The following KLC3 variants were observed in gnomAD, a reference collection of about 807,000 sequenced individuals.
The protein encoded by KLC3 is kinesin light chain 3.
A neutral mutation model predicts 62.9 loss-of-function variants in KLC3; 72 were observed. That is an observed-to-expected ratio of 1.15 (90% confidence interval 0.95 to 1.39). The LOEUF (loss-of-function observed/expected upper bound fraction) is 1.39, where lower values mean the gene tolerates loss of function less well. Ranked by LOEUF, KLC3 falls within the 40% of genes most tolerant of loss-of-function variation. The pLI, the probability that KLC3 is intolerant of heterozygous loss-of-function variation, is 0.00. For missense variants in KLC3, 848 were observed against 691.6 expected (o/e 1.23, Z -2.54); for synonymous variants, 377 against 300.5 (o/e 1.25, Z -2.63).
chr19:45,346,714 G>T lies in KLC3; in HGVS notation c.429G>T (p.Glu143Asp), dbSNP rs766315749. 1 of 1,582,528 alleles carries T rather than the reference G, an allele frequency of 6.3e-7. No homozygotes were observed. Among genetic ancestry groups the T allele is most frequent in the South Asian group, 1.2e-5 (1 of 86,534 alleles). ...AGTCCGTGGCCCAGCTGGAGGAGGA[G>T]AAGCGCCACCTGGAGTTCCTGGGGC... ...SEESVAQLEE[E>D]KRHLEFLGQL... Residue 143 changes from glutamate (E) to aspartate (D), a missense_variant, in exon 3 of 13, where the codon GAG becomes GAT. Transcript: ENST00000391946.
Position 45,351,127 on chromosome 19 carries a change from G to T in KLC3, c.1443+110G>T. ...GGTGGAGTCAGCAGGTGGTGGGTTG[G>T]TGTCAGAAGAGACCCAGGACAGGAG... On this transcript the variant is annotated intron_variant, in intron 12 of 12. Coordinates refer to ENST00000391946, the MANE Select transcript of KLC3 (RefSeq NM_177417.3). The T allele has an allele frequency of 2.5e-6, 4 of 1,604,134 alleles. No homozygotes were observed. The Admixed American group carries it at 6.8e-5, about 27-fold the overall frequency.
chr19:45,341,180 CTGTGTTTGTGTG>C (rs1466795467), intron 1 of KLC3, among the ~76,000 whole-genome samples: 67 of 87,876 alleles, frequency 7.6e-4, no homozygotes, highest in African/African-American at 4.5e-3. Flanking sequence ...TCCTGCCTGC[CTGTGTTTGTGTG>C]TGTGTGTGTG....
chr19:45,342,761 A>G lies in KLC3; in HGVS notation c.-9+1915A>G, dbSNP rs142292091. Among the ~76,000 whole-genome samples the G allele has an allele frequency of 1.6e-4, 24 of 152,268 alleles. No homozygotes were observed. The East Asian group carries it at 4.2e-3, about 27-fold the overall frequency. On this transcript the variant is annotated intron_variant, in intron 1 of 12. Coordinates refer to ENST00000391946, the MANE Select transcript of KLC3 (RefSeq NM_177417.3). ...CAGTCTGGGCAACAGAGCGAGACTC[A>G]GTCTCAAAAAAATAAAATTAAATTT...
rs765389608 is a variant in KLC3 at position 45,345,699 on chromosome 19, C to T, written c.158C>T (p.Ala53Val). The change falls in exon 2 of 13, where the codon GCG becomes GTG. Residue 53 changes from alanine (A) to valine (V), a missense_variant. Ala to Val is a moderately conservative substitution (Grantham distance 64). Coordinates refer to ENST00000391946, the MANE Select transcript of KLC3 (RefSeq NM_177417.3). The part of the protein sequence containing the change: ...GLAGHLAEAL[A>V]GQGPAAGLEM... ...GCTGGGCACCTGGCGGAGGCCCTGG[C>T]GGGACAGGGCCCGGCAGCCGGCTTG... 3.2e-5 allele frequency: 50 copies of T among 1,569,340 alleles called. No individual in the cohort carries two copies. Among genetic ancestry groups the T allele is most frequent in the Admixed American group, 1.7e-4 (9 of 52,466 alleles).
Position 45,346,744 on chromosome 19 carries a change from G to A in KLC3, c.459G>A (p.Leu153=), listed in dbSNP as rs1971503419. The change falls in exon 3 of 13, where the codon CTG becomes CTA. Residue 153 remains leucine (L), a synonymous_variant. Transcript: ENST00000391946. Reference sequence around the variant, plus strand: ...GCCACCTGGAGTTCCTGGGGCAGCTGCGACAGTACGACCCACCGGCGGAGA... The same window carrying A: ...GCCACCTGGAGTTCCTGGGGCAGCTACGACAGTACGACCCACCGGCGGAGA... The part of the protein sequence containing the change: ...EKRHLEFLGQ[L]RQYDPPAESQ... The A allele has an allele frequency of 1.3e-6, 2 of 1,587,718 alleles. No individual in the cohort carries two copies. The highest frequency in any genetic ancestry group is 1.3e-5 in the African/African-American group (1 of 74,182).
intron 1 of KLC3, among the ~76,000 whole-genome samples, chr19:45,344,013 G>A (rs1465382304): frequency 6.6e-6 from 1 of 151,616 alleles, no homozygotes; most frequent in East Asian, 1.9e-4. Flanking sequence ...ATTTTTGTAG[G>A]GATGGGGTCT....
Position 45,351,327 on chromosome 19 carries a change from C to A in KLC3, c.1485C>A (p.Ser495Arg), listed in dbSNP as rs373906614. The stretch of plus-strand genomic sequence containing the variant: ...TGGACAAGGCCCCTCGGACCCTCAG[C>A]GCCAGCACCCAGGACCTGAGCCCCC... ...WHLDKAPRTLSASTQDLSPH is the reference protein window; with the variant it reads ...WHLDKAPRTLRASTQDLSPH Residue 495 changes from serine (S) to arginine (R), a missense_variant, in exon 13 of 13, where the codon AGC becomes AGA. Coordinates refer to ENST00000391946, the MANE Select transcript of KLC3 (RefSeq NM_177417.3). 6.2e-7 allele frequency: 1 copy of A among 1,611,998 alleles called. No homozygotes were observed. Among genetic ancestry groups the A allele is most frequent in the Non-Finnish European group, 8.5e-7 (1 of 1,179,994 alleles).
At position 45,349,484 on chromosome 19, in the gene KLC3, T is replaced by C. The variant is rs1462911668; in HGVS notation, c.1025T>C (p.Leu342Pro). 1 of 1,613,572 alleles carries C rather than the reference T, an allele frequency of 6.2e-7. No individual in the cohort carries two copies. The highest frequency in any genetic ancestry group is 2.2e-5 in the East Asian group (1 of 44,852). The change falls in exon 8 of 13, where the codon CTG (leucine) becomes CCG (proline). Residue 342 changes from leucine (L) to proline (P), a missense_variant. Transcript: ENST00000391946. ...AAGCAGCTCAACAACCTGGCCCTGCTGTGCCAGAACCAGGGCAAGTTTGAG... is the reference window on the plus strand; with the variant it reads ...AAGCAGCTCAACAACCTGGCCCTGCCGTGCCAGAACCAGGGCAAGTTTGAG... Reference protein sequence around the residue: ...VAKQLNNLALLCQNQGKFEDV... With the variant: ...VAKQLNNLALPCQNQGKFEDV...
intron 1 of KLC3, among the ~76,000 whole-genome samples, chr19:45,343,305 G>A (rs182057513): frequency 9.9e-5 from 15 of 152,162 alleles, no homozygotes; most frequent in East Asian, 9.7e-4. Context: ...TAGTTTCTGC[G>A]TGGGTTGGCT....
At chr19:45,350,768 C>G (rs755845095) in intron 11 of KLC3, 21 bp downstream of exon 11, 3 of 1,594,288 alleles carry the variant, frequency 1.9e-6, no homozygotes, top group Non-Finnish European at 1.7e-6. Context: ...ATCAGGTCGG[C>G]AAAGAGCCCT....
In KLC3 at chr19:45,341,580, C is replaced by T. The variant is rs867646341; in HGVS notation, c.-9+734C>T. Among the ~76,000 whole-genome samples, 176 of 77,902 alleles carry T rather than the reference C, an allele frequency of 2.3e-3. 1 individual carries two copies. In the South Asian group the frequency reaches 0.029, roughly 13 times the overall value. 51.1% of individuals were successfully genotyped at this position (77,902 alleles called of 152,430 possible). ...GTGTGTGTGTGTGTGTGTGTGTGTG[C>T]GCGCGCGCGTGTGGTGGACAGTGTG... On this transcript the variant is annotated intron_variant, in intron 1 of 12. Transcript: ENST00000391946.
Position 45,345,754 on chromosome 19 carries a change from G to T in KLC3, c.213G>T (p.Val71=). The change falls in exon 2 of 13, where the codon GTG becomes GTT. Residue 71 remains valine (V), a synonymous_variant. Coordinates refer to ENST00000391946, the MANE Select transcript of KLC3 (RefSeq NM_177417.3). The part of the protein sequence containing the change: ...LEMLEEKQQV[V]SHSLEAIELG... ...TGCTGGAGGAAAAGCAGCAGGTGGT[G>T]AGCCACTCGCTGGAGGCCATCGAGC... is the stretch of plus-strand genomic sequence containing the variant. 1 of 1,554,890 alleles carries T rather than the reference G, an allele frequency of 6.4e-7. No individual in the cohort carries two copies. Among genetic ancestry groups the T allele is most frequent in the South Asian group, 1.2e-5 (1 of 84,196 alleles).
rs151124589 is a variant in KLC3 at position 45,348,875 on chromosome 19, G to A, written c.923G>A (p.Arg308Gln). 726 of 1,588,074 alleles carry A rather than the reference G, an allele frequency of 4.6e-4. 2 individuals are homozygous for A. The African/African-American group carries it at 7.1e-3, about 15-fold the overall frequency. The change falls in exon 7 of 13, where the codon CGG becomes CAG. Residue 308 changes from arginine (R) to glutamine (Q), a missense_variant. Transcript: ENST00000391946. Reference sequence around the variant, plus strand: ...CTCTATGGGAAGCGTGGGCGTTACCGGGAGGCAGAGCCCCTGTGCCAGCGC... The same window carrying A: ...CTCTATGGGAAGCGTGGGCGTTACCAGGAGGCAGAGCCCCTGTGCCAGCGC... ...AVLYGKRGRY[R>Q]EAEPLCQRAL...
At chr19:45,343,141 A>C (rs547592281) in intron 1 of KLC3, among the ~76,000 whole-genome samples, 49 of 152,110 alleles carry the variant, frequency 3.2e-4, no homozygotes, top group Non-Finnish European at 2.4e-4. Flanking sequence ...TCCATAGTGA[A>C]TCTTGGGAGT....
In KLC3 at chr19:45,349,532, G is replaced by C; in HGVS notation, c.1073G>C (p.Arg358Pro). ...GAGGACGTGGAGCGGCACTATGCCCGGGCCCTGAGCATCTATGAGGCACTG... is the reference window on the plus strand; with the variant it reads ...GAGGACGTGGAGCGGCACTATGCCCCGGCCCTGAGCATCTATGAGGCACTG... ...KFEDVERHYA[R>P]ALSIYEALGG... Residue 358 changes from arginine to proline, a missense_variant, in exon 8 of 13, where the codon CGG becomes CCG. By Grantham distance (103) the Arg-to-Pro change is moderately radical. Transcript: ENST00000391946. 1 of 1,613,960 alleles carries C rather than the reference G, an allele frequency of 6.2e-7. No homozygotes were observed. Among genetic ancestry groups the C allele is most frequent in the Non-Finnish European group, 8.5e-7 (1 of 1,179,960 alleles).
intron 8 of KLC3, 103 bp downstream of exon 8, chr19:45,349,705 G>GCCCCC: frequency 1.3e-6 from 1 of 789,660 alleles, no homozygotes; most frequent in Non-Finnish European, 1.9e-6. Context: ...GTGGGGGGGG[G>GCCCCC]CCCCCCAGGC....
chr19:45,347,585 A>C (rs1053012540), intron 4 of KLC3, 69 bp downstream of exon 4: 8 of 1,418,560 alleles, frequency 5.6e-6, no homozygotes, highest in African/African-American at 1.4e-5. Flanking sequence ...GAGCTGCAGG[A>C]CCCCAAAATC....
chr19:45,343,075 C>T (rs1408120209), intron 1 of KLC3, among the ~76,000 whole-genome samples: 1 of 152,046 alleles, frequency 6.6e-6, no homozygotes, highest in African/African-American at 2.4e-5. Context: ...GTGTGGGAGT[C>T]CCTGCTGGCC....
intron 8 of KLC3, 62 bp downstream of exon 8, chr19:45,349,664 ATTGG>A (rs1472885414): frequency 8.7e-7 from 1 of 1,149,860 alleles, no homozygotes; most frequent in Non-Finnish European, 1.2e-6. Context: ...GGAGGCACCC[ATTGG>A]TTGGATACAG....
Sources: allele counts gnomAD v4.1 joint callset (sites outside exome capture counted in the v4.1 genomes callset), GRCh38; gene constraint gnomAD v4.1.1; transcripts MANE v1.5; gene names NCBI Gene and HGNC (gene_info 2026-07-23, HGNC 2026-07-21).